Variants in NR1D1 observed in about 807,000 individuals in gnomAD.
NR1D1 encodes the protein nuclear receptor subfamily 1 group D member 1.
NR1D1 carries 17 observed loss-of-function variants against 51.1 expected under a neutral mutation model. The observed-to-expected ratio is 0.33, with a 90% CI of 0.23 to 0.50. The LOEUF (loss-of-function observed/expected upper bound fraction) is 0.50. Among genes scored for constraint, NR1D1 ranks in the 20% least tolerant of loss-of-function variants. The pLI is 0.98. For synonymous variants in NR1D1, 341 were observed against 333.4 expected, an observed-to-expected ratio of 1.02 and a Z score of -0.25; for missense variants, 647 against 830.4, an observed-to-expected ratio of 0.78 and a Z score of 2.71.
intron 1 of NR1D1, 129 bp downstream of exon 1, chr17:40,099,935 G>A (rs1987843988): frequency 1.3e-6 from 1 of 747,986 alleles, no homozygotes; most frequent in Non-Finnish European, 2.4e-6. Flanking sequence ...CTAAAGCACC[G>A]CAGCACGTTA....
intron 4 of NR1D1, 127 bp from the exon 5 acceptor site, chr17:40,096,214 G>C: frequency 7.2e-7 from 1 of 1,396,616 alleles, no homozygotes; most frequent in Non-Finnish European, 9.6e-7. Flanking sequence ...AAACCAGCAA[G>C]TCCCCACCCA....
chr17:40,097,721 G>A (rs541711323), intron 1 of NR1D1, among the ~76,000 whole-genome samples: 7 of 152,282 alleles, frequency 4.6e-5, no homozygotes, highest in African/African-American at 1.7e-4. Flanking sequence ...TAATGACTTA[G>A]TTGTCAGTTG....
At chr17:40,099,108 G>A (rs1052296780) in intron 1 of NR1D1, among the ~76,000 whole-genome samples, 57 of 151,396 alleles carry the variant, frequency 3.8e-4, no homozygotes, top group Non-Finnish European at 6.6e-4. Flanking sequence ...GGCAGGGCGG[G>A]AGCTGGGCCC....
At position 40,092,888 on chromosome 17, in the gene NR1D1, A is replaced by G; in HGVS notation, c.*195T>C. On this transcript the variant is annotated 3_prime_UTR_variant, in exon 8 of 8. Coordinates refer to ENST00000246672, the MANE Select transcript of NR1D1 (RefSeq NM_021724.5). The stretch of plus-strand genomic sequence containing the variant: ...GACAGAGTGGTTTAAATAGGGGAGG[A>G]GGGGAAGTTCGGTGATGGGGGAGGG... 1 of 1,304,140 alleles carries G rather than the reference A, an allele frequency of 7.7e-7. No homozygotes were observed. Among genetic ancestry groups the G allele is most frequent in the East Asian group, 2.5e-5 (1 of 39,634 alleles). 80.8% of individuals were successfully genotyped at this position (1,304,140 alleles called of 1,614,324 possible).
Position 40,093,692 on chromosome 17 carries a change from G to C in NR1D1, c.1645+220C>G. ...CCAGCTCCCCCAGGCAGAAATAGTT[G>C]TCTGTGCTTCCTTGGTTCATGCTTC... is the stretch of plus-strand genomic sequence containing the variant. On this transcript the variant is annotated intron_variant, in intron 7 of 7. Coordinates refer to ENST00000246672, the MANE Select transcript of NR1D1 (RefSeq NM_021724.5). This position sits in a 1 kb window ranked among gnomAD's most constrained non-coding sequence, Gnocchi z 5.9. 1.6e-6 allele frequency: 1 copy of C among 634,840 alleles called. No individual in the cohort carries two copies. The allele number at this position is 634,840 out of a possible 1,614,324, so 39.3% of individuals were successfully genotyped here.
At position 40,092,939 on chromosome 17, in the gene NR1D1, G is replaced by C; in HGVS notation, c.*144C>G. 6.5e-7 allele frequency: 1 copy of C among 1,532,364 alleles called. No individual in the cohort carries two copies. Among genetic ancestry groups the C allele is most frequent in the Non-Finnish European group, 8.8e-7 (1 of 1,138,810 alleles). 94.9% of individuals were successfully genotyped at this position (1,532,364 alleles called of 1,614,324 possible). A position where few individuals can be genotyped will look rare whatever the true frequency, so the allele number is the denominator to read the frequency against. On this transcript the variant is annotated 3_prime_UTR_variant, in exon 8 of 8. Coordinates refer to ENST00000246672, the MANE Select transcript of NR1D1 (RefSeq NM_021724.5). ...AGGCAGGTATTTACAAGAAGGCTCA[G>C]GGGGCCAGAGGCTCATCTTGGAATA...
chr17:40,097,178 G>T lies in NR1D1; in HGVS notation c.257C>A (p.Ser86Tyr). Reference protein sequence around the residue: ...SDDGSPSSSSSSSSSSSSFYN... With the variant: ...SDDGSPSSSSYSSSSSSSFYN... ...GAAGGAGGAGGAGGATGACGACGAG[G>T]AAGATGAGGAAGAAGGGGAGCCGTC... The change falls in exon 2 of 8, where the codon TCC becomes TAC. Residue 86 changes from serine (S) to tyrosine (Y), a missense_variant. Coordinates refer to ENST00000246672, the MANE Select transcript of NR1D1 (RefSeq NM_021724.5). The T allele has an allele frequency of 6.2e-7, 1 of 1,611,826 alleles. No homozygotes were observed.
intron 2 of NR1D1, 26 bp from the exon 3 acceptor site, chr17:40,096,805 A>G: frequency 6.2e-7 from 1 of 1,610,568 alleles, no homozygotes; most frequent in Non-Finnish European, 8.5e-7. Flanking sequence ...GCAGCAGGTG[A>G]GCAGGAGAGG....
chr17:40,092,884 G>A lies in NR1D1; in HGVS notation c.*199C>T. ...GGGAGACAGAGTGGTTTAAATAGGG[G>A]AGGAGGGGAAGTTCGGTGATGGGGG... On this transcript the variant is annotated 3_prime_UTR_variant, in exon 8 of 8. Coordinates refer to ENST00000246672, the MANE Select transcript of NR1D1 (RefSeq NM_021724.5). The A allele has an allele frequency of 7.8e-7, 1 of 1,287,900 alleles. No individual in the cohort carries two copies. The highest frequency in any genetic ancestry group is 1.1e-6 in the Non-Finnish European group (1 of 950,404). 79.8% of individuals were successfully genotyped at this position (1,287,900 alleles called of 1,614,324 possible).
intron 5 of NR1D1, 75 bp from the exon 6 acceptor site, chr17:40,095,195 C>A: frequency 7.0e-7 from 1 of 1,434,814 alleles, no homozygotes; most frequent in Admixed American, 2.0e-5. Context: ...CAGAGCTGGA[C>A]CCCAGATTCT....
Position 40,100,108 on chromosome 17 carries a change from G to A in NR1D1, c.-14C>T. On this transcript the variant is annotated 5_prime_UTR_variant, in exon 1 of 8. Coordinates refer to ENST00000246672, the MANE Select transcript of NR1D1 (RefSeq NM_021724.5). Reference sequence around the variant, plus strand: ...CAGGGTCGTCATGTCTTCACCAGCTGAGAGCGGTCATTCAAACTGGACCTT... The same window carrying A: ...CAGGGTCGTCATGTCTTCACCAGCTAAGAGCGGTCATTCAAACTGGACCTT... The A allele has an allele frequency of 1.9e-6, 3 of 1,607,640 alleles. No homozygotes were observed. The highest frequency in any genetic ancestry group is 2.6e-6 in the Non-Finnish European group (3 of 1,174,202).
chr17:40,097,737 C>G (rs1294752063), intron 1 of NR1D1, among the ~76,000 whole-genome samples: 1 of 152,140 alleles, frequency 6.6e-6, no homozygotes, highest in Non-Finnish European at 1.5e-5. Flanking sequence ...AGTTGAAGAT[C>G]TGGGGATGGG....
rs747619800 is a variant in NR1D1 at position 40,095,803 on chromosome 17, G to T, written c.889C>A (p.Arg297=). The part of the protein sequence containing the change: ...DVISQVARAH[R]EIFTYAHDKL... ...TCATGGGCGTAGGTGAAGATCTCTC[G>T]ATGGGCCCGGGCCACCTGGGATATC... The change falls in exon 5 of 8, where the codon CGA becomes AGA. Residue 297 remains arginine, a synonymous_variant. Coordinates refer to ENST00000246672, the MANE Select transcript of NR1D1 (RefSeq NM_021724.5). 1 of 1,613,828 alleles carries T rather than the reference G, an allele frequency of 6.2e-7. No homozygotes were observed. The highest frequency in any genetic ancestry group is 1.1e-5 in the South Asian group (1 of 91,060).
rs1987749428 is a variant in NR1D1, at chr17:40,095,836, C to T, written c.856G>A (p.Glu286Lys). The T allele has an allele frequency of 1.2e-6, 2 of 1,614,066 alleles. No homozygotes were observed. The highest frequency in any genetic ancestry group is 1.3e-5 in the African/African-American group (1 of 75,016). Residue 286 changes from glutamate (E) to lysine (K), a missense_variant, in exon 5 of 8, where the codon GAG (glutamate) becomes AAG (lysine). This residue lies in a region of NR1D1 where 51 missense variants were observed against 75.9 expected (regional missense o/e 0.67). Transcript: ENST00000246672. ...PRSPSPEPTV[E>K]DVISQVARAH... Reference sequence around the variant, plus strand: ...CGGGCCACCTGGGATATCACATCCTCCACTGTGGGCTCAGGGCTTGGGGAT... The same window carrying T: ...CGGGCCACCTGGGATATCACATCCTTCACTGTGGGCTCAGGGCTTGGGGAT...
Position 40,094,005 on chromosome 17 carries a change from T to TGAGCAGGTCTCCCATGCCCATGGCACC in NR1D1, c.1525_1551dup (p.Gly509_Leu517dup), listed in dbSNP as rs1567659139. The TGAGCAGGTCTCCCATGCCCATGGCACC allele has an allele frequency of 1.2e-5, 19 of 1,613,978 alleles. No individual in the cohort carries two copies. The highest frequency in any genetic ancestry group is 1.5e-5 in the Non-Finnish European group (18 of 1,180,050). The stretch of plus-strand genomic sequence containing the variant: ...TTCTCGCTGAAGTCGAACATGGCAC[T>TGAGCAGGTCTCCCATGCCCATGGCACC]GAGCAGGTCTCCCATGCCCATGGCA... On this transcript the variant is annotated inframe_insertion, in exon 7 of 8. Coordinates refer to ENST00000246672, the MANE Select transcript of NR1D1 (RefSeq NM_021724.5).
Position 40,097,178 on chromosome 17 carries a change from G to A in NR1D1, c.257C>T (p.Ser86Phe). 6.2e-7 allele frequency: 1 copy of A among 1,611,826 alleles called. No homozygotes were observed. The highest frequency in any genetic ancestry group is 8.5e-7 in the Non-Finnish European group (1 of 1,178,538). The change falls in exon 2 of 8, where the codon TCC (serine) becomes TTC (phenylalanine). Residue 86 changes from serine to phenylalanine, a missense_variant. Physicochemically the swap from Ser to Phe is radical, Grantham distance 155. Around this residue, in one of 7 missense-constraint regions of NR1D1, gnomAD observed 98 missense variants for 94.7 expected, o/e 1.03. Coordinates refer to ENST00000246672, the MANE Select transcript of NR1D1 (RefSeq NM_021724.5). The stretch of plus-strand genomic sequence containing the variant: ...GAAGGAGGAGGAGGATGACGACGAG[G>A]AAGATGAGGAAGAAGGGGAGCCGTC... ...SDDGSPSSSS[S>F]SSSSSSSFYN...
intron 4 of NR1D1, 73 bp downstream of exon 4, chr17:40,096,370 T>G (rs1987762630): frequency 5.0e-6 from 8 of 1,605,412 alleles, no homozygotes; most frequent in Non-Finnish European, 6.8e-6. Flanking sequence ...CATTTGTGAC[T>G]TTTTTAAAGG....
chr17:40,097,871 G>C (rs1372950137), intron 1 of NR1D1, among the ~76,000 whole-genome samples: 1 of 152,166 alleles, frequency 6.6e-6, no homozygotes, highest in Non-Finnish European at 1.5e-5. Context: ...GTAGCCAACA[G>C]TAAAGAGAAT....
Position 40,093,787 on chromosome 17 carries a change from C to T in NR1D1, c.1645+125G>A. On this transcript the variant is annotated intron_variant, in intron 7 of 7. Coordinates refer to ENST00000246672, the MANE Select transcript of NR1D1 (RefSeq NM_021724.5). This position sits in a 1 kb window ranked among gnomAD's most constrained non-coding sequence, Gnocchi z 5.9. ...GTCTGTTTCCCAAGCTAGACTGTGT[C>T]TGAATCATGTCTGTATCCCCAGTGC... The T allele has an allele frequency of 1.2e-6, 1 of 814,740 alleles. No individual in the cohort carries two copies. The highest frequency in any genetic ancestry group is 1.6e-5 in the South Asian group (1 of 61,660). 50.5% of individuals were successfully genotyped at this position (814,740 alleles called of 1,614,324 possible). A position where few individuals can be genotyped will look rare whatever the true frequency, so the allele number is the denominator to read the frequency against.
Sources: allele counts gnomAD v4.1 joint callset (sites outside exome capture counted in the v4.1 genomes callset), GRCh38; gene constraint gnomAD v4.1.1; regional missense constraint gnomAD v4.1.1; non-coding constraint Gnocchi (gnomAD v3.1); transcripts MANE v1.5; gene names NCBI Gene and HGNC (gene_info 2026-07-23, HGNC 2026-07-21).